The following PRKAB1 variants were observed in gnomAD, a reference collection of about 807,000 sequenced individuals.
PRKAB1 encodes the protein protein kinase AMP-activated non-catalytic subunit beta 1, also known as 5'-AMP-activated protein kinase subunit beta-1.
A neutral mutation model predicts 32.0 loss-of-function variants in PRKAB1; 18 were observed. That is an observed-to-expected ratio of 0.56 (90% CI 0.39 to 0.83). The LOEUF (loss-of-function observed/expected upper bound fraction) is 0.83, where lower values mean the gene tolerates loss of function less well. PRKAB1 is among the 40% of genes least tolerant of loss of function. PRKAB1 has a pLI of 0.00. For missense variants in PRKAB1, 263 were observed against 352.6 expected, an observed-to-expected ratio of 0.75 and a Z score of 2.03; for synonymous variants, 141 against 141.4, an observed-to-expected ratio of 1.00 and a Z score of 0.02.
In PRKAB1 at chr12:119,671,706, A is replaced by G. The variant is rs542599851; in HGVS notation, c.160-595A>G. The G allele has an allele frequency of 1.4e-5, 3 of 215,870 alleles. No homozygotes were observed. In the East Asian group the frequency reaches 3.9e-4, roughly 28 times the overall value. The allele number at this position is 215,870 out of a possible 1,614,324, so 13.4% of individuals were successfully genotyped here. On this transcript the variant is annotated intron_variant, in intron 1 of 6. Coordinates refer to ENST00000229328, the MANE Select transcript of PRKAB1 (RefSeq NM_006253.5). ...TGGGGACGCAGAGCCAAACCGTATCACCTAGTCTATATGGTGTAACCTGTT... is the reference window on the plus strand; with the variant it reads ...TGGGGACGCAGAGCCAAACCGTATCGCCTAGTCTATATGGTGTAACCTGTT...
chr12:119,677,290 T>A (rs1396193399), intron 5 of PRKAB1: 1 of 152,290 alleles, frequency 6.6e-6, no homozygotes, highest in African/African-American at 2.4e-5. Flanking sequence ...TAAGAGGCAT[T>A]GTTTACGAGG....
Position 119,674,493 on chromosome 12 carries a change from G to A in PRKAB1, c.532+39G>A. 6.8e-7 allele frequency: 1 copy of A among 1,468,404 alleles called. No individual in the cohort carries two copies. Among genetic ancestry groups the A allele is most frequent in the Non-Finnish European group, 9.5e-7 (1 of 1,050,620 alleles). The allele number at this position is 1,468,404 out of a possible 1,614,324, so 91.0% of individuals were successfully genotyped here. A position where few individuals can be genotyped will look rare whatever the true frequency, so the allele number is the denominator to read the frequency against. ...TATTTTATACCACATGCGTGCAGGT[G>A]GGGGCTGTACAGTCTAGACATACTC... On this transcript the variant is annotated intron_variant, in intron 4 of 6. Coordinates refer to ENST00000229328, the MANE Select transcript of PRKAB1 (RefSeq NM_006253.5). This position sits in a 1 kb window ranked among gnomAD's most constrained non-coding sequence, Gnocchi z 4.3.
intron 2 of PRKAB1, chr12:119,673,704 C>T (rs1955403624): frequency 2.9e-6 from 1 of 343,964 alleles, no homozygotes; most frequent in African/African-American, 2.1e-5. Flanking sequence ...TGACTGTTGA[C>T]CTTTTAACAT....
chr12:119,672,604 A>G (rs1258420481), intron 2 of PRKAB1, 140 bp downstream of exon 2: 1 of 936,692 alleles, frequency 1.1e-6, no homozygotes, highest in African/African-American at 1.7e-5. Context: ...AATAAGTCTT[A>G]AGGTTCAAAT....
intron 6 of PRKAB1, 97 bp from the exon 7 acceptor site, chr12:119,680,151 G>T: frequency 6.7e-7 from 1 of 1,496,536 alleles, no homozygotes. Context: ...AGCTGGCCCG[G>T]GAATTTGTGG....
chr12:119,674,424 G>A lies in PRKAB1; in HGVS notation c.502G>A (p.Val168Met). The part of the protein sequence containing the change: ...TDFEVFDALM[V>M]DSQKCSDVSE... ...CTTTGAAGTATTTGATGCTTTAATGGTGGATTCCCAAAAGTGCTCCGATGT... is the reference window on the plus strand; with the variant it reads ...CTTTGAAGTATTTGATGCTTTAATGATGGATTCCCAAAAGTGCTCCGATGT... Residue 168 changes from valine (V) to methionine (M), a missense_variant, in exon 4 of 7, where the codon GTG becomes ATG. Transcript: ENST00000229328. The surrounding 1 kb of genome is among the most constrained non-coding windows in gnomAD (Gnocchi z 4.3). The A allele has an allele frequency of 2.5e-6, 4 of 1,614,004 alleles. No homozygotes were observed. Among genetic ancestry groups the A allele is most frequent in the Non-Finnish European group, 2.5e-6 (3 of 1,179,846 alleles).
At position 119,680,369 on chromosome 12, in the gene PRKAB1, G is replaced by T; in HGVS notation, c.*44G>T. 2 of 1,531,834 alleles carry T rather than the reference G, an allele frequency of 1.3e-6. No individual in the cohort carries two copies. The highest frequency in any genetic ancestry group is 1.8e-6 in the Non-Finnish European group (2 of 1,109,856). 94.9% of individuals were successfully genotyped at this position (1,531,834 alleles called of 1,614,324 possible). A position where few individuals can be genotyped will look rare whatever the true frequency, so the allele number is the denominator to read the frequency against. On this transcript the variant is annotated 3_prime_UTR_variant, in exon 7 of 7. Transcript: ENST00000229328. ...TGGCCCAGGAGACAGCACACCACCA[G>T]GCTCCACACGTGCATGCTTTCCCCA... is the stretch of plus-strand genomic sequence containing the variant.
intron 1 of PRKAB1, among the ~76,000 whole-genome samples, chr12:119,668,985 C>T (rs919557456): frequency 3.3e-5 from 5 of 151,902 alleles, no homozygotes; most frequent in Admixed American, 6.5e-5. Flanking sequence ...GGCGTGGTGG[C>T]GGGCGCCTGT....
chr12:119,672,061 ATAAT>A (rs1440948104), intron 1 of PRKAB1, among the ~76,000 whole-genome samples: 1 of 152,200 alleles, frequency 6.6e-6, no homozygotes, highest in Non-Finnish European at 1.5e-5. Context: ...ACAATAGCTA[ATAAT>A]TAGCACTCAC....
Position 119,681,321 on chromosome 12 carries a change from A to C in PRKAB1, c.*996A>C, listed in dbSNP as rs1279396190. Reference sequence around the variant, plus strand: ...TATTCTGAAAGGAATGTAGAACTTGACAGCAGCCTTCTGAGTCTGGGTCAG... The same window carrying C: ...TATTCTGAAAGGAATGTAGAACTTGCCAGCAGCCTTCTGAGTCTGGGTCAG... On this transcript the variant is annotated 3_prime_UTR_variant, in exon 7 of 7. Coordinates refer to ENST00000229328, the MANE Select transcript of PRKAB1 (RefSeq NM_006253.5). 1 of 152,184 alleles carries C rather than the reference A, an allele frequency of 6.6e-6. No individual in the cohort carries two copies. Among genetic ancestry groups the C allele is most frequent in the Non-Finnish European group, 1.5e-5 (1 of 68,030 alleles). 9.4% of individuals were successfully genotyped at this position (152,184 alleles called of 1,614,324 possible).
chr12:119,671,600 C>T (rs1955389442), intron 1 of PRKAB1: 2 of 293,604 alleles, frequency 6.8e-6, no homozygotes, highest in Non-Finnish European at 1.4e-5. Context: ...GGGGAAACCG[C>T]CCCCATGATC....
chr12:119,669,904 G>GA (rs1291695391), intron 1 of PRKAB1: 2 of 152,234 alleles, frequency 1.3e-5, no homozygotes, highest in Non-Finnish European at 2.9e-5. Context: ...AGCGTACATA[G>GA]AAAAGTCTTT....
intron 4 of PRKAB1, among the ~76,000 whole-genome samples, chr12:119,675,905 A>G (rs991193605): frequency 1.3e-5 from 2 of 152,178 alleles, no homozygotes; most frequent in Non-Finnish European, 2.9e-5. Context: ...CCAGTGTTCT[A>G]GCATTATGAA....
chr12:119,670,123 T>C (rs1353464036), intron 1 of PRKAB1, among the ~76,000 whole-genome samples: 2 of 152,196 alleles, frequency 1.3e-5, no homozygotes, highest in Non-Finnish European at 2.9e-5. Flanking sequence ...ACCACCTTCA[T>C]ATGGTGGATA....
chr12:119,679,988 C>T lies in PRKAB1; in HGVS notation c.722C>T (p.Ala241Val), dbSNP rs568377821. The T allele has an allele frequency of 7.4e-6, 12 of 1,613,464 alleles. No individual in the cohort carries two copies. The highest frequency in any genetic ancestry group is 1.3e-5 in the African/African-American group (1 of 75,020). Residue 241 changes from alanine (A) to valine (V), a missense_variant, in exon 6 of 7, where the codon GCG becomes GTG. Ala to Val is a moderately conservative substitution (Grantham distance 64). Coordinates refer to ENST00000229328, the MANE Select transcript of PRKAB1 (RefSeq NM_006253.5). The surrounding 1 kb of genome is among the most constrained non-coding windows in gnomAD (Gnocchi z 4.1). The stretch of plus-strand genomic sequence containing the variant: ...CACGTCATGCTGAACCACCTATACG[C>T]GCTGTCTATCAAGGTAATGACATGT... ...PNHVMLNHLY[A>V]LSIKDGVMVL...
chr12:119,670,025 C>CCAGTG (rs1356893709), intron 1 of PRKAB1: 1 of 152,232 alleles, frequency 6.6e-6, no homozygotes, highest in African/African-American at 2.4e-5. Context: ...CTTAAGCAGG[C>CCAGTG]CAGTGCAAAC....
chr12:119,674,092 C>G lies in PRKAB1; in HGVS notation c.417+35C>G. The stretch of plus-strand genomic sequence containing the variant: ...CTCCCACCTCTGGTCCTCTGGGTGC[C>G]CGCACATTCCAAACAAATCACCTTC... On this transcript the variant is annotated intron_variant, in intron 3 of 6. Coordinates refer to ENST00000229328, the MANE Select transcript of PRKAB1 (RefSeq NM_006253.5). The surrounding 1 kb of genome is among the most constrained non-coding windows in gnomAD (Gnocchi z 4.3). 6.4e-7 allele frequency: 1 copy of G among 1,573,664 alleles called. No homozygotes were observed. The highest frequency in any genetic ancestry group is 8.7e-7 in the Non-Finnish European group (1 of 1,149,224).
chr12:119,671,304 A>G (rs1405276175), intron 1 of PRKAB1, among the ~76,000 whole-genome samples: 1 of 152,258 alleles, frequency 6.6e-6, no homozygotes, highest in Non-Finnish European at 1.5e-5. Flanking sequence ...GAAATACATC[A>G]TTAGGTGATT....
Position 119,681,299 on chromosome 12 carries a change from T to C in PRKAB1, c.*974T>C, listed in dbSNP as rs1565878019. ...GACTGCAGCAGTTGCTGTTGCTTAT[T>C]CTGAAAGGAATGTAGAACTTGACAG... On this transcript the variant is annotated 3_prime_UTR_variant, in exon 7 of 7. Transcript: ENST00000229328. 2 of 152,234 alleles carry C rather than the reference T, an allele frequency of 1.3e-5. No homozygotes were observed. The highest frequency in any genetic ancestry group is 3.9e-4 in the East Asian group (2 of 5,192). The allele number at this position is 152,234 out of a possible 1,614,324, so 9.4% of individuals were successfully genotyped here.
Sources: allele counts gnomAD v4.1 joint callset (sites outside exome capture counted in the v4.1 genomes callset), GRCh38; gene constraint gnomAD v4.1.1; non-coding constraint Gnocchi (gnomAD v3.1); transcripts MANE v1.5; gene names NCBI Gene and HGNC (gene_info 2026-07-23, HGNC 2026-07-21).